Variants in SMG1 observed in about 807,000 individuals in gnomAD.
The protein encoded by SMG1 is serine/threonine-protein kinase SMG1.
Under a neutral mutation model 419.9 loss-of-function variants are expected in SMG1, and 22 were observed. The ratio of observed to expected loss-of-function variants is 0.05; its 90% CI spans 0.04 to 0.07. The LOEUF (loss-of-function observed/expected upper bound fraction) is 0.07. Among genes scored for constraint, SMG1 ranks in the 10% least tolerant of loss-of-function variants. SMG1 has a pLI of 1.00. For missense variants in SMG1, 3,185 were observed against 4,342.0 expected (o/e 0.73, Z 7.49); for synonymous variants, 1,538 against 1,553.5 (o/e 0.99, Z 0.23).
chr16:18,925,176 T>C (rs1366788833), intron 1 of SMG1: 3 of 152,228 alleles, frequency 2.0e-5, no homozygotes, highest in African/African-American at 4.8e-5. Context: ...ACTACATTTA[T>C]TTAAAAAGTT....
In SMG1 at chr16:18,858,193, T is replaced by C. The variant is rs2035021918; in HGVS notation, c.4211A>G (p.Asn1404Ser). The C allele has an allele frequency of 6.3e-7, 1 of 1,582,726 alleles. No homozygotes were observed. The highest frequency in any genetic ancestry group is 8.6e-7 in the Non-Finnish European group (1 of 1,164,758). The change falls in exon 29 of 63, where the codon AAT (asparagine) becomes AGT (serine). Residue 1404 changes from asparagine (N) to serine (S), a missense_variant. Coordinates refer to ENST00000446231, the MANE Select transcript of SMG1 (RefSeq NM_015092.5). ...ACCTTTAATTTTCTCCAACAACTGA[T>C]TCTGGTACATAGTATACCTTAATGC... Reference protein sequence around the residue: ...MQALRYTMYQNQLLEKIKEQT... With the variant: ...MQALRYTMYQSQLLEKIKEQT...
chr16:18,859,290 A>G, intron 27 of SMG1, 109 bp from the exon 28 acceptor site: 1 of 751,840 alleles, frequency 1.3e-6, no homozygotes, highest in East Asian at 2.7e-5. Flanking sequence ...GTTAGGGGGC[A>G]GTAAGAGGAG....
chr16:18,839,690 G>C lies in SMG1; in HGVS notation c.6945+8C>G. ...ACTACTGAGTATAGTCTAAAACAAAGCACATACCTGCGTAACTCTCCACCA... is the reference window on the plus strand; with the variant it reads ...ACTACTGAGTATAGTCTAAAACAAACCACATACCTGCGTAACTCTCCACCA... On this transcript the variant is annotated splice_region_variant and intron_variant, in intron 42 of 62. Coordinates refer to ENST00000446231, the MANE Select transcript of SMG1 (RefSeq NM_015092.5). 6.2e-7 allele frequency: 1 copy of C among 1,613,974 alleles called. No homozygotes were observed. Among genetic ancestry groups the C allele is most frequent in the South Asian group, 1.1e-5 (1 of 91,086 alleles).
intron 1 of SMG1, among the ~76,000 whole-genome samples, chr16:18,904,562 C>G (rs2037483069): frequency 6.6e-6 from 1 of 151,910 alleles, no homozygotes; most frequent in Non-Finnish European, 1.5e-5. Flanking sequence ...CGTTTGAACC[C>G]AGGAGGCAGA....
chr16:18,844,986 G>C (rs2034176570), intron 39 of SMG1, among the ~76,000 whole-genome samples: 2 of 152,184 alleles, frequency 1.3e-5, no homozygotes, highest in South Asian at 4.1e-4. Context: ...ATTGATTCCA[G>C]AACTACTTGT....
intron 1 of SMG1, among the ~76,000 whole-genome samples, chr16:18,909,222 A>G (rs1206324703): frequency 6.6e-6 from 1 of 150,748 alleles, no homozygotes; most frequent in Non-Finnish European, 1.5e-5. Context: ...CATGCCTGTA[A>G]TCCCAGCTAC....
chr16:18,877,045 T>G, intron 12 of SMG1, 86 bp downstream of exon 12: 1 of 916,196 alleles, frequency 1.1e-6, no homozygotes, highest in South Asian at 1.5e-5. Flanking sequence ...TTCACTCAAT[T>G]TCACTTATAC....
At chr16:18,905,769 A>G (rs995908000) in intron 1 of SMG1, among the ~76,000 whole-genome samples, 5 of 151,704 alleles carry the variant, frequency 3.3e-5, no homozygotes, top group Admixed American at 2.6e-4. Context: ...CTGCTACCAC[A>G]CCCGGCTAAT....
At position 18,865,632 on chromosome 16, in the gene SMG1, A is replaced by C. The variant is rs1002015602; in HGVS notation, c.3350+989T>G. Among the ~76,000 whole-genome samples, 6 of 152,140 alleles carry C rather than the reference A, an allele frequency of 3.9e-5. No homozygotes were observed. The East Asian group carries it at 1.2e-3, about 29-fold the overall frequency. On this transcript the variant is annotated intron_variant, in intron 23 of 62. Transcript: ENST00000446231. The stretch of plus-strand genomic sequence containing the variant: ...ACTCATAAATACAAATCTTTATTAA[A>C]AATAACACTGTAGAATATTTAACAT...
At position 18,853,698 on chromosome 16, in the gene SMG1, G is replaced by A; in HGVS notation, c.4653C>T (p.His1551=). The part of the protein sequence containing the change: ...GQLKQVYRAQ[H]QQNFTGLSTL... ...TAGAAAGACCTGTGAAGTTCTGTTG[G>A]TGCTGAGCTCTGTAAACCTGTTTCA... is the stretch of plus-strand genomic sequence containing the variant. The change falls in exon 31 of 63, where the codon CAC becomes CAT. Residue 1551 remains histidine, a synonymous_variant. Coordinates refer to ENST00000446231, the MANE Select transcript of SMG1 (RefSeq NM_015092.5). 7.4e-6 allele frequency: 12 copies of A among 1,613,826 alleles called. No individual in the cohort carries two copies. Among genetic ancestry groups the A allele is most frequent in the Non-Finnish European group, 9.3e-6 (11 of 1,179,804 alleles).
At chr16:18,923,736 G>A (rs763822924) in intron 1 of SMG1, among the ~76,000 whole-genome samples, 3 of 152,066 alleles carry the variant, frequency 2.0e-5, no homozygotes, top group Non-Finnish European at 4.4e-5. Flanking sequence ...AAATTATTCA[G>A]ATGAACCATA....
At chr16:18,912,112 A>C (rs1396023536) in intron 1 of SMG1, among the ~76,000 whole-genome samples, 1 of 151,562 alleles carries the variant, frequency 6.6e-6, no homozygotes, top group Non-Finnish European at 1.5e-5. Flanking sequence ...ATTCTTAAAA[A>C]TAAAGACACT....
intron 11 of SMG1, 148 bp downstream of exon 11, chr16:18,879,347 G>A: frequency 1.6e-6 from 1 of 614,024 alleles, no homozygotes; most frequent in Non-Finnish European, 2.9e-6. Context: ...ATTCCTGGAT[G>A]CAAGCAATCC....
chr16:18,828,951 T>A (rs972689429), intron 54 of SMG1, among the ~76,000 whole-genome samples: 1 of 150,300 alleles, frequency 6.7e-6, no homozygotes, highest in Non-Finnish European at 1.5e-5. Context: ...TGAGCCGAGA[T>A]CGCGCCATTG....
chr16:18,917,998 C>T (rs576050073), intron 1 of SMG1, among the ~76,000 whole-genome samples: 45 of 151,852 alleles, frequency 3.0e-4, no homozygotes, highest in African/African-American at 6.8e-4. Flanking sequence ...TGGTGGCTCA[C>T]GCCTGTAATC....
In SMG1 at chr16:18,879,621, G is replaced by A. The variant is rs1364943034; in HGVS notation, c.1392C>T (p.Leu464=). 5 of 1,472,298 alleles carry A rather than the reference G, an allele frequency of 3.4e-6. No individual in the cohort carries two copies. Among genetic ancestry groups the A allele is most frequent in the Non-Finnish European group, 3.7e-6 (4 of 1,082,788 alleles). The allele number at this position is 1,472,298 out of a possible 1,614,324, so 91.2% of individuals were successfully genotyped here. Residue 464 remains leucine (L), a synonymous_variant, in exon 11 of 63, where the codon CTC becomes CTT. Transcript: ENST00000446231. ...TAANECVGVL[L]GSLDPSMTIH... ...TAGTCATGCTAGGATCCAAGCTGCC[G>A]AGCAAAACACCAACACACTCATTAG...
rs1250920983 is a variant in SMG1 at position 18,805,676 on chromosome 16, T to C, written c.*3893A>G. 2 of 152,208 alleles carry C rather than the reference T, an allele frequency of 1.3e-5. No individual in the cohort carries two copies. The highest frequency in any genetic ancestry group is 4.8e-5 in the African/African-American group (2 of 41,456). 9.4% of individuals were successfully genotyped at this position (152,208 alleles called of 1,614,324 possible). A position where few individuals can be genotyped will look rare whatever the true frequency, so the allele number is the denominator to read the frequency against. On this transcript the variant is annotated 3_prime_UTR_variant, in exon 63 of 63. Transcript: ENST00000446231. ...TTCCCTGTGGGAAGAATCTTTCTAATATTACCCAAATATTGAAAACAAAAT... is the reference window on the plus strand; with the variant it reads ...TTCCCTGTGGGAAGAATCTTTCTAACATTACCCAAATATTGAAAACAAAAT...
chr16:18,819,553 C>T lies in SMG1; in HGVS notation c.9843G>A (p.Thr3281=), dbSNP rs1352601387. 1.7e-5 allele frequency: 27 copies of T among 1,606,438 alleles called. No homozygotes were observed. The highest frequency in any genetic ancestry group is 2.7e-5 in the African/African-American group (2 of 74,954). The change falls in exon 56 of 63, where the codon ACG becomes ACA. Residue 3281 remains threonine, a synonymous_variant. Transcript: ENST00000446231. ...GGACAAGATTTCTTCTTTCAGCTAT[C>T]GTTGCTTCAAAATCTTGTAGTACAG... ...LAPVLQDFEA[T]IAERRNLVLK...
intron 1 of SMG1, among the ~76,000 whole-genome samples, chr16:18,924,436 T>C (rs1409520800): frequency 6.6e-6 from 1 of 152,222 alleles, no homozygotes; most frequent in East Asian, 1.9e-4. Context: ...AATTCTCTTA[T>C]ATACTTATAC....
Sources: allele counts gnomAD v4.1 joint callset (sites outside exome capture counted in the v4.1 genomes callset), GRCh38; gene constraint gnomAD v4.1.1; transcripts MANE v1.5; gene names NCBI Gene and HGNC (gene_info 2026-07-23, HGNC 2026-07-21).